NECTIN1: variants seen among roughly 807,000 people sequenced by gnomAD.
The protein encoded by NECTIN1 is nectin-1.
Under a neutral mutation model 48.0 loss-of-function variants are expected in NECTIN1, and 23 were observed. The ratio of observed to expected loss-of-function variants is 0.48; its 90% CI spans 0.34 to 0.68. The LOEUF is 0.68. Ranked by LOEUF, NECTIN1 falls within the 30% of genes least tolerant of loss-of-function variation. The probability of loss-of-function intolerance (pLI) is 0.01; values close to 1 mark genes in which losing one functional copy is unlikely to be tolerated. For missense variants in NECTIN1, 591 were observed against 709.9 expected (o/e 0.83, Z 1.90); for synonymous variants, 270 against 288.9 (o/e 0.93, Z 0.66).
intron 1 of NECTIN1, among the ~76,000 whole-genome samples, chr11:119,695,205 C>A (rs114188996): frequency 1.3e-5 from 2 of 152,058 alleles, no homozygotes; most frequent in Non-Finnish European, 2.9e-5. Flanking sequence ...CACAAGTCCC[C>A]GGTCGCTCTC....
In NECTIN1 at chr11:119,664,083, G is replaced by A; in HGVS notation, c.*664C>T. The A allele has an allele frequency of 1.0e-6, 1 of 985,880 alleles. No individual in the cohort carries two copies. The highest frequency in any genetic ancestry group is 1.2e-6 in the Non-Finnish European group (1 of 830,208). 61.1% of individuals were successfully genotyped at this position (985,880 alleles called of 1,614,324 possible). A position where few individuals can be genotyped will look rare whatever the true frequency, so the allele number is the denominator to read the frequency against. ...CAGAGCTAGGCCAACTCCACTCTCT[G>A]TGGGCCAATGAGGAAAAAAAATGTA... On this transcript the variant is annotated 3_prime_UTR_variant, in exon 6 of 6. Transcript: ENST00000264025.
chr11:119,707,659 A>T (rs1865571762), intron 1 of NECTIN1, among the ~76,000 whole-genome samples: 1 of 152,160 alleles, frequency 6.6e-6, no homozygotes, highest in South Asian at 2.1e-4. Context: ...CCTCTCTCAG[A>T]CTAATGTACT....
intron 5 of NECTIN1, among the ~76,000 whole-genome samples, chr11:119,648,164 A>G (rs1231626838): frequency 7.1e-6 from 1 of 141,346 alleles, no homozygotes; most frequent in Non-Finnish European, 1.5e-5. Flanking sequence ...AATAATAGGA[A>G]TAGGGTCAGG....
rs1565376589 is a variant in NECTIN1 at position 119,648,316 on chromosome 11, A to ATGG, written c.1004-8307_1004-8305dup. 2.9e-3 allele frequency among the ~76,000 whole-genome samples: 26 copies of ATGG among 8,968 alleles called. 3 individuals are homozygous for ATGG. The highest frequency in any genetic ancestry group is 0.019 in the East Asian group (2 of 108). The allele number at this position is 8,968 out of a possible 152,430, so 5.9% of individuals were successfully genotyped here. ...GGTGGTGGTGGTGGTGATGGTGGTGATGGTGATGGTGGTGATGGTGGTGGT... is the reference window on the plus strand; with the variant it reads ...GGTGGTGGTGGTGGTGATGGTGGTGATGGTGGTGATGGTGGTGATGGTGGTGGT... On this transcript the variant is annotated intron_variant, in intron 5 of 7. Transcript: ENST00000341398.
At chr11:119,701,387 G>A (rs922122553) in intron 1 of NECTIN1, among the ~76,000 whole-genome samples, 1 of 152,154 alleles carries the variant, frequency 6.6e-6, no homozygotes, top group Non-Finnish European at 1.5e-5. Context: ...CACTGACTCT[G>A]TTTCATTGAA....
intron 1 of NECTIN1, among the ~76,000 whole-genome samples, chr11:119,704,157 G>A (rs1486217553): frequency 6.6e-6 from 1 of 151,968 alleles, no homozygotes; most frequent in Non-Finnish European, 1.5e-5. Context: ...TCCTGCACAC[G>A]AACCTGCGGG....
chr11:119,686,867 G>A (rs145461927), intron 1 of NECTIN1, among the ~76,000 whole-genome samples: 2 of 152,140 alleles, frequency 1.3e-5, no homozygotes, highest in East Asian at 3.9e-4. Context: ...TTTCTCATAC[G>A]GAGTTTGGAA....
intron 1 of NECTIN1, among the ~76,000 whole-genome samples, chr11:119,710,753 T>C (rs1036242315): frequency 1.3e-5 from 2 of 151,906 alleles, no homozygotes; most frequent in African/African-American, 4.8e-5. Flanking sequence ...GTTTGAAGTG[T>C]AGAGGAGTTC....
chr11:119,721,947 G>T (rs1865838056), intron 1 of NECTIN1, among the ~76,000 whole-genome samples: 1 of 152,256 alleles, frequency 6.6e-6, no homozygotes, highest in Non-Finnish European at 1.5e-5. Context: ...CCAGGGAGCT[G>T]CCAGGCTCTG....
At chr11:119,693,697 C>T (rs1865299874) in intron 1 of NECTIN1, among the ~76,000 whole-genome samples, 1 of 152,190 alleles carries the variant, frequency 6.6e-6, no homozygotes, top group Non-Finnish European at 1.5e-5. Context: ...CCAAAACACG[C>T]AGGGGGCTCC....
At chr11:119,694,819 G>A (rs770739249) in intron 1 of NECTIN1, among the ~76,000 whole-genome samples, 2 of 152,056 alleles carry the variant, frequency 1.3e-5, no homozygotes, top group Non-Finnish European at 2.9e-5. Context: ...GTGTCCTGCT[G>A]CCCCCCCAGG....
chr11:119,646,128 C>G (rs990969215), intron 5 of NECTIN1, among the ~76,000 whole-genome samples: 2 of 152,192 alleles, frequency 1.3e-5, no homozygotes, highest in African/African-American at 2.4e-5. Context: ...TTCTGGTGGG[C>G]CCCTCAGTGC....
chr11:119,638,905 A>G, intron 6 of NECTIN1: 1 of 1,121,592 alleles, frequency 8.9e-7, no homozygotes, highest in African/African-American at 1.5e-5. Context: ...CCCACTCACA[A>G]GAGCAGGCCC....
chr11:119,648,280 G>GGTGA lies in NECTIN1; in HGVS notation c.1004-8269_1004-8268insTCAC, dbSNP rs1864429895. 1.6e-4 allele frequency among the ~76,000 whole-genome samples: 7 copies of GGTGA among 43,738 alleles called. 1 individual carries two copies. The highest frequency in any genetic ancestry group is 5.7e-4 in the Admixed American group (2 of 3,508). 28.7% of individuals were successfully genotyped at this position (43,738 alleles called of 152,430 possible). On this transcript the variant is annotated intron_variant, in intron 5 of 7. Coordinates refer to the NECTIN1 transcript ENST00000341398. ...GGTGGTAATAGTGGTGGTGGTGATG[G>GGTGA]TGGTGGTGATGGTGGTGGTGGTGGT...
At chr11:119,651,102 G>A (rs552114852) in intron 5 of NECTIN1, among the ~76,000 whole-genome samples, 31 of 152,224 alleles carry the variant, frequency 2.0e-4, no homozygotes, top group South Asian at 6.2e-4. Context: ...AGAATAGGGC[G>A]TGGAATAGGA....
intron 5 of NECTIN1, among the ~76,000 whole-genome samples, chr11:119,648,063 CAA>C (rs55695982): frequency 1.1e-3 from 46 of 43,084 alleles, no homozygotes; most frequent in African/African-American, 3.0e-3. Context: ...GACACCGTCT[CAA>C]AAAAAAAAAA....
chr11:119,691,494 G>T (rs1274514450), intron 1 of NECTIN1, among the ~76,000 whole-genome samples: 3 of 152,240 alleles, frequency 2.0e-5, no homozygotes, highest in Non-Finnish European at 4.4e-5. Context: ...TGGTCTGCCT[G>T]CAGGGGGCAC....
Position 119,661,208 on chromosome 11 carries a change from G to A in NECTIN1, c.*3539C>T, listed in dbSNP as rs568047414. On this transcript the variant is annotated 3_prime_UTR_variant, in exon 6 of 6. Coordinates refer to ENST00000264025, the MANE Select transcript of NECTIN1 (RefSeq NM_002855.5). ...ATCACGCTGGGAGGGGAGGGTGGCAGCTTCTCCTGGATTCTTTTCATTTAT... is the reference window on the plus strand; with the variant it reads ...ATCACGCTGGGAGGGGAGGGTGGCAACTTCTCCTGGATTCTTTTCATTTAT... 1.2e-5 allele frequency: 12 copies of A among 985,750 alleles called. No individual in the cohort carries two copies. In the South Asian group the frequency reaches 3.8e-4, roughly 31 times the overall value. The allele number at this position is 985,750 out of a possible 1,614,324, so 61.1% of individuals were successfully genotyped here.
At chr11:119,658,971 G>A (rs1422872147), downstream of NECTIN1, 4 of 152,156 alleles carry the variant, frequency 2.6e-5, no homozygotes, top group Non-Finnish European at 5.9e-5. Flanking sequence ...TTAGAACAAC[G>A]ACTGTAAGAT....
Sources: gnomAD v4.1 joint callset for allele counts (sites outside exome capture counted in the v4.1 genomes callset) on GRCh38, gnomAD v4.1.1 for gene constraint, MANE v1.5 for transcripts, NCBI Gene and HGNC (gene_info 2026-07-23, HGNC 2026-07-21) for gene names.